Variants in YPEL5 observed in about 807,000 individuals in gnomAD.
YPEL5 encodes yippee like 5, also known as protein yippee-like 5.
YPEL5 carries 1 observed loss-of-function variant against 10.5 expected under a neutral mutation model. The ratio of observed to expected loss-of-function variants is 0.10; its 90% confidence interval spans 0.03 to 0.45. The LOEUF is 0.45. Ranked by LOEUF, YPEL5 falls within the 20% of genes least tolerant of loss-of-function variation. The pLI is 0.97. For synonymous variants in YPEL5, 61 were observed against 56.6 expected (o/e 1.08, Z -0.35); for missense variants, 68 against 159.3 (o/e 0.43, Z 3.09).
At chr2:30,147,681 T>G in intron 1 of YPEL5, 1 of 119,394 alleles carries the variant, frequency 8.4e-6, no homozygotes. Context: ...CTTTGCCCCC[T>G]CCCCCCCATG....
At chr2:30,151,310 T>A (rs2103509212) in intron 1 of YPEL5, among the ~76,000 whole-genome samples, 1 of 152,150 alleles carries the variant, frequency 6.6e-6, no homozygotes, top group African/African-American at 2.4e-5. Flanking sequence ...TCTTACAGAT[T>A]CTGTAATTAA....
intron 1 of YPEL5, among the ~76,000 whole-genome samples, chr2:30,150,954 A>G (rs1675757962): frequency 1.3e-5 from 2 of 152,296 alleles, no homozygotes; most frequent in Non-Finnish European, 2.9e-5. Context: ...TGAATGTCAT[A>G]TATCTTGTGT....
chr2:30,153,901 G>C (rs972181130), intron 1 of YPEL5, among the ~76,000 whole-genome samples: 1 of 152,182 alleles, frequency 6.6e-6, no homozygotes, highest in Non-Finnish European at 1.5e-5. Flanking sequence ...GGGGAAAAAG[G>C]CATGTTAAAT....
At chr2:30,157,042 T>C (rs529892193) in intron 2 of YPEL5, among the ~76,000 whole-genome samples, 1 of 152,160 alleles carries the variant, frequency 6.6e-6, no homozygotes, top group Non-Finnish European at 1.5e-5. Context: ...CCCAGCACTT[T>C]GGGAGGCCGA....
intron 1 of YPEL5, 58 bp from the exon 2 acceptor site, chr2:30,156,570 A>T: frequency 6.6e-7 from 1 of 1,517,504 alleles, no homozygotes; most frequent in Non-Finnish European, 9.0e-7. Flanking sequence ...ACACCCCCCA[A>T]GTAGGTGCTA....
At chr2:30,158,260 A>G (rs1349070911) in intron 2 of YPEL5, among the ~76,000 whole-genome samples, 4 of 152,190 alleles carry the variant, frequency 2.6e-5, no homozygotes, top group African/African-American at 9.7e-5. Flanking sequence ...TATTATTTGC[A>G]CTCATCATTG....
chr2:30,157,471 C>T (rs3768669), intron 2 of YPEL5, among the ~76,000 whole-genome samples: 14,760 of 152,026 alleles, frequency 0.097, 1,667 homozygotes, highest in East Asian at 0.56. Flanking sequence ...AACTTGACAG[C>T]GAATAACGAT....
In YPEL5 at chr2:30,160,512, A is replaced by G. The variant is rs936375532; in HGVS notation, c.*1669A>G. On this transcript the variant is annotated 3_prime_UTR_variant, in exon 3 of 3. Transcript: ENST00000261353. ...AGCACTATGTGCATTTGCTGTCACA[A>G]TAAAGTATATTTTGTCTTGCATTGA... is the stretch of plus-strand genomic sequence containing the variant. 2 of 152,236 alleles carry G rather than the reference A, an allele frequency of 1.3e-5. No individual in the cohort carries two copies. The highest frequency in any genetic ancestry group is 4.8e-5 in the African/African-American group (2 of 41,472). The allele number at this position is 152,236 out of a possible 1,614,324, so 9.4% of individuals were successfully genotyped here.
chr2:30,153,125 T>C (rs192590047), intron 1 of YPEL5, among the ~76,000 whole-genome samples: 39 of 152,186 alleles, frequency 2.6e-4, no homozygotes, highest in African/African-American at 8.7e-4. Context: ...ATGGTTTCGA[T>C]CTCCTGACGT....
intron 1 of YPEL5, among the ~76,000 whole-genome samples, chr2:30,147,269 C>T (rs528077456): frequency 8.7e-4 from 132 of 151,834 alleles, no homozygotes; most frequent in African/African-American, 3.1e-3. Flanking sequence ...CGCGGGCGGA[C>T]GCGCGGGGCT....
chr2:30,152,387 A>G (rs1675840193), intron 1 of YPEL5, among the ~76,000 whole-genome samples: 1 of 152,200 alleles, frequency 6.6e-6, no homozygotes, highest in Admixed American at 6.5e-5. Flanking sequence ...GGATGTGAGG[A>G]GAGTTTGAAT....
Position 30,159,045 on chromosome 2 carries a change from G to A in YPEL5, c.*202G>A. ...TCCATCCAACAGCAGTGTGTAGAGA[G>A]AATATTATGCAGATGCCGTTAATTT... On this transcript the variant is annotated 3_prime_UTR_variant, in exon 3 of 3. Transcript: ENST00000261353. 1 of 592,924 alleles carries A rather than the reference G, an allele frequency of 1.7e-6. No homozygotes were observed. Among genetic ancestry groups the A allele is most frequent in the Non-Finnish European group, 2.9e-6 (1 of 339,822 alleles). 36.7% of individuals were successfully genotyped at this position (592,924 alleles called of 1,614,324 possible). A position where few individuals can be genotyped will look rare whatever the true frequency, so the allele number is the denominator to read the frequency against.
chr2:30,150,421 G>A (rs1675729428), intron 1 of YPEL5, among the ~76,000 whole-genome samples: 1 of 152,216 alleles, frequency 6.6e-6, no homozygotes, highest in Non-Finnish European at 1.5e-5. Context: ...AACTCACCCA[G>A]TGTTTCCAAA....
chr2:30,149,011 A>G (rs1051454355), intron 1 of YPEL5, among the ~76,000 whole-genome samples: 2 of 152,204 alleles, frequency 1.3e-5, no homozygotes, highest in Non-Finnish European at 2.9e-5. Flanking sequence ...TTGCTACTTG[A>G]CACTTGAGTC....
At chr2:30,154,665 C>G (rs1316911270) in intron 1 of YPEL5, among the ~76,000 whole-genome samples, 5 of 152,188 alleles carry the variant, frequency 3.3e-5, no homozygotes, top group African/African-American at 9.7e-5. Flanking sequence ...CTGCTGTATT[C>G]CTAGGCTACC....
At position 30,159,052 on chromosome 2, in the gene YPEL5, A is replaced by G; in HGVS notation, c.*209A>G. ...AACAGCAGTGTGTAGAGAGAATATT[A>G]TGCAGATGCCGTTAATTTTTTACCC... On this transcript the variant is annotated 3_prime_UTR_variant, in exon 3 of 3. Transcript: ENST00000261353. 1 of 567,570 alleles carries G rather than the reference A, an allele frequency of 1.8e-6. No individual in the cohort carries two copies. The highest frequency in any genetic ancestry group is 2.9e-5 in the East Asian group (1 of 33,930). 35.2% of individuals were successfully genotyped at this position (567,570 alleles called of 1,614,324 possible).
At chr2:30,148,155 G>C (rs897790487) in intron 1 of YPEL5, 1 of 152,274 alleles carries the variant, frequency 6.6e-6, no homozygotes, top group Non-Finnish European at 1.5e-5. Context: ...ACAAAGATCT[G>C]TTTAATCCTG....
chr2:30,150,076 TA>T (rs1405799395), intron 1 of YPEL5, among the ~76,000 whole-genome samples: 2 of 152,250 alleles, frequency 1.3e-5, no homozygotes, highest in Admixed American at 1.3e-4. Flanking sequence ...GTACCTATTT[TA>T]AGACCCAGAA....
chr2:30,155,350 G>A (rs1675996468), intron 1 of YPEL5, among the ~76,000 whole-genome samples: 1 of 152,122 alleles, frequency 6.6e-6, no homozygotes, highest in Admixed American at 6.5e-5. Flanking sequence ...CCGCCTAATG[G>A]CTGGGGAAGT....
Sources: gnomAD v4.1 joint callset for allele counts (sites outside exome capture counted in the v4.1 genomes callset) on GRCh38, gnomAD v4.1.1 for gene constraint, MANE v1.5 for transcripts, NCBI Gene and HGNC (gene_info 2026-07-23, HGNC 2026-07-21) for gene names.